The following DSCAML1 variants were observed in gnomAD, a reference collection of about 807,000 sequenced individuals.
The protein encoded by DSCAML1 is DS cell adhesion molecule like 1, also known as cell adhesion molecule DSCAML1.
Under a neutral mutation model 200.5 loss-of-function variants are expected in DSCAML1, and 38 were observed. The observed-to-expected ratio is 0.19, with a 90% CI of 0.15 to 0.25. The LOEUF is 0.25. Ranked by LOEUF, DSCAML1 falls within the 10% of genes least tolerant of loss-of-function variation. DSCAML1 has a pLI of 1.00. For missense variants in DSCAML1, 2,223 were observed against 2,858.8 expected (o/e 0.78, Z 5.07); for synonymous variants, 1,215 against 1,165.0 (o/e 1.04, Z -0.87).
intron 3 of DSCAML1, among the ~76,000 whole-genome samples, chr11:117,645,871 G>A (rs2052511590): frequency 1.3e-5 from 2 of 151,828 alleles, no homozygotes; most frequent in Admixed American, 1.3e-4. Context: ...TGTACATTGT[G>A]CACATGTACC....
At chr11:117,717,866 A>G (rs1226259988) in intron 3 of DSCAML1, among the ~76,000 whole-genome samples, 2 of 152,180 alleles carry the variant, frequency 1.3e-5, no homozygotes, top group Non-Finnish European at 2.9e-5. Context: ...CCAGCGAGGC[A>G]ATGCTGGGAT....
intron 8 of DSCAML1, among the ~76,000 whole-genome samples, chr11:117,512,761 TCACACACACA>T (rs71037482): frequency 0.024 from 2,770 of 113,152 alleles, 56 homozygotes; most frequent in South Asian, 0.098. Context: ...TCCTCTAGGA[TCACACACACA>T]CACACACACA....
chr11:117,436,546 G>A (rs921341528), intron 26 of DSCAML1, among the ~76,000 whole-genome samples: 3 of 148,948 alleles, frequency 2.0e-5, no homozygotes, highest in African/African-American at 7.3e-5. Context: ...GTGTATGTGT[G>A]CACGTGTGTA....
At chr11:117,492,569 C>T (rs1402539641) in intron 11 of DSCAML1, among the ~76,000 whole-genome samples, 1 of 152,166 alleles carries the variant, frequency 6.6e-6, no homozygotes, top group East Asian at 1.9e-4. Flanking sequence ...TGAGGGGGCC[C>T]CTCCTTTTCC....
rs555190065 is a variant in DSCAML1 at position 117,677,904 on chromosome 11, G to A, written c.511+98887C>T. Among the ~76,000 whole-genome samples the A allele has an allele frequency of 6.6e-5, 10 of 152,232 alleles. No individual in the cohort carries two copies. In the East Asian group the frequency reaches 1.4e-3, roughly 21 times the overall value. On this transcript the variant is annotated intron_variant, in intron 3 of 32. Transcript: ENST00000651296. ...CTGATCTTCACCCCTGTGCTGCACCGCGCCTCTGACAGAGCTGTCTCAAAG... is the reference window on the plus strand; with the variant it reads ...CTGATCTTCACCCCTGTGCTGCACCACGCCTCTGACAGAGCTGTCTCAAAG...
intron 3 of DSCAML1, among the ~76,000 whole-genome samples, chr11:117,536,109 G>C (rs934812932): frequency 6.6e-6 from 1 of 152,188 alleles, no homozygotes; most frequent in Non-Finnish European, 1.5e-5. Context: ...CAGCCAGGGG[G>C]ATGCACAGCG....
At chr11:117,678,163 C>A (rs753963213) in intron 3 of DSCAML1, among the ~76,000 whole-genome samples, 3 of 152,214 alleles carry the variant, frequency 2.0e-5, no homozygotes, top group Non-Finnish European at 4.4e-5. Flanking sequence ...ATGACCCTTT[C>A]ACCCTCTTCC....
At chr11:117,574,853 T>C (rs113401059) in intron 3 of DSCAML1, among the ~76,000 whole-genome samples, 194 of 152,292 alleles carry the variant, frequency 1.3e-3, no homozygotes, top group African/African-American at 4.4e-3. Flanking sequence ...AGGGGAGGCC[T>C]GGCCACAAGC....
At chr11:117,596,657 G>A (rs1388257363) in intron 3 of DSCAML1, among the ~76,000 whole-genome samples, 8 of 152,218 alleles carry the variant, frequency 5.3e-5, no homozygotes, top group Admixed American at 4.6e-4. Flanking sequence ...AAAAGAAGAT[G>A]AGGTGTGGGA....
At chr11:117,457,269 G>A (rs758230876) in intron 19 of DSCAML1, among the ~76,000 whole-genome samples, 1 of 152,230 alleles carries the variant, frequency 6.6e-6, no homozygotes, top group African/African-American at 2.4e-5. Context: ...AGTGGCTCTG[G>A]GGCAGAGGGC....
At chr11:117,760,980 T>A (rs2054790595) in intron 3 of DSCAML1, among the ~76,000 whole-genome samples, 1 of 152,024 alleles carries the variant, frequency 6.6e-6, no homozygotes, top group South Asian at 2.1e-4. Context: ...TACCACACTC[T>A]AGGATAGCCA....
intron 3 of DSCAML1, among the ~76,000 whole-genome samples, chr11:117,701,114 A>G (rs934976488): frequency 6.6e-6 from 1 of 152,114 alleles, no homozygotes; most frequent in Admixed American, 6.5e-5. Flanking sequence ...AAAAATACAA[A>G]AATTAGCCGG....
Position 117,518,423 on chromosome 11 carries a change from G to A in DSCAML1, c.1510+43C>T, listed in dbSNP as rs920547558. 4 of 1,611,410 alleles carry A rather than the reference G, an allele frequency of 2.5e-6. No homozygotes were observed. In the African/African-American group the frequency reaches 5.3e-5, roughly 22 times the overall value. On this transcript the variant is annotated intron_variant, in intron 7 of 32. Transcript: ENST00000651296. The surrounding 1 kb of genome is among the most constrained non-coding windows in gnomAD (Gnocchi z 6.3). Reference sequence around the variant, plus strand: ...TAATGGTAACCACAGAGATGGCAAAGGAACTCAAAAACCTATTCTGATATT... The same window carrying A: ...TAATGGTAACCACAGAGATGGCAAAAGAACTCAAAAACCTATTCTGATATT...
chr11:117,721,492 A>C (rs1268043403), intron 3 of DSCAML1, among the ~76,000 whole-genome samples: 1 of 151,684 alleles, frequency 6.6e-6, no homozygotes, highest in Non-Finnish European at 1.5e-5. Flanking sequence ...TCCTGACCTC[A>C]CCCTCCTGGC....
At chr11:117,643,258 G>A (rs983161963) in intron 3 of DSCAML1, among the ~76,000 whole-genome samples, 5 of 152,228 alleles carry the variant, frequency 3.3e-5, no homozygotes, top group East Asian at 3.9e-4. Context: ...GAAAGGGTTC[G>A]ACTCAATTCA....
chr11:117,432,567 G>A, intron 29 of DSCAML1, 63 bp from the exon 30 acceptor site: 18 of 1,515,936 alleles, frequency 1.2e-5, no homozygotes, highest in Non-Finnish European at 1.4e-5. Flanking sequence ...TCTTTTGGAT[G>A]TGACTGAATT....
In DSCAML1 at chr11:117,505,308, T is replaced by TA. The variant is rs1176131912; in HGVS notation, c.2062+145dup. On this transcript the variant is annotated intron_variant, in intron 9 of 32. Coordinates refer to ENST00000651296, the MANE Select transcript of DSCAML1 (RefSeq NM_020693.4). This position sits in a 1 kb window ranked among gnomAD's most constrained non-coding sequence, Gnocchi z 6.7. ...GGCTTCGGTTTCCTGCCCTGGAAAA[T>TA]AAGAGGTTTAGGCTCCAACAGGCCC... The TA allele has an allele frequency of 8.4e-7, 1 of 1,187,818 alleles. No individual in the cohort carries two copies. The highest frequency in any genetic ancestry group is 1.5e-5 in the African/African-American group (1 of 64,968). 73.6% of individuals were successfully genotyped at this position (1,187,818 alleles called of 1,614,324 possible). A position where few individuals can be genotyped will look rare whatever the true frequency, so the allele number is the denominator to read the frequency against.
At chr11:117,816,590 G>A (rs541830152) in intron 1 of DSCAML1, among the ~76,000 whole-genome samples, 1 of 152,286 alleles carries the variant, frequency 6.6e-6, no homozygotes, top group South Asian at 2.1e-4. Flanking sequence ...GCGGAGGGAG[G>A]GTGGAAGCCT....
intron 3 of DSCAML1, among the ~76,000 whole-genome samples, chr11:117,663,833 T>C (rs917560809): frequency 2.0e-5 from 3 of 152,184 alleles, no homozygotes; most frequent in African/African-American, 7.2e-5. Flanking sequence ...ACATACCTCC[T>C]GGCAAAACCC....
Sources: allele counts gnomAD v4.1 joint callset (sites outside exome capture counted in the v4.1 genomes callset), GRCh38; gene constraint gnomAD v4.1.1; non-coding constraint Gnocchi (gnomAD v3.1); transcripts MANE v1.5; gene names NCBI Gene and HGNC (gene_info 2026-07-23, HGNC 2026-07-21).